ERAP2: variants seen among roughly 807,000 people sequenced by gnomAD.
The protein encoded by ERAP2 is endoplasmic reticulum aminopeptidase 2.
A neutral mutation model predicts 111.1 loss-of-function variants in ERAP2; 118 were observed. The ratio of observed to expected loss-of-function variants is 1.06; its 90% CI spans 0.92 to 1.24. The LOEUF (loss-of-function observed/expected upper bound fraction) is 1.24, where lower values mean the gene tolerates loss of function less well. Among genes scored for constraint, ERAP2 ranks in the 50% most tolerant of loss-of-function variants. ERAP2 has a pLI of 0.00. For missense variants in ERAP2, 1,131 were observed against 1,125.8 expected (o/e 1.00, Z -0.07); for synonymous variants, 410 against 401.2 (o/e 1.02, Z -0.26).
At position 96,913,364 on chromosome 5, in the gene ERAP2, T is replaced by C; in HGVS notation, c.2564T>C (p.Leu855Ser). The change falls in exon 17 of 19, where the codon TTG becomes TCG. Residue 855 changes from leucine to serine, a missense_variant. Around this residue, in one of 3 missense-constraint regions of ERAP2, gnomAD observed 279 missense variants for 250.9 expected, o/e 1.11. Coordinates refer to ENST00000437043, the MANE Select transcript of ERAP2 (RefSeq NM_022350.5). Reference protein sequence around the residue: ...MEGKVIKTQNLAALLHAIARR... With the variant: ...MEGKVIKTQNSAALLHAIARR... ...GGAAAGGTTATCAAGACACAGAACT[T>C]GGCAGCTCTCCTTCATGCGATTGCC... 6.2e-7 allele frequency: 1 copy of C among 1,614,056 alleles called. No individual in the cohort carries two copies. The highest frequency in any genetic ancestry group is 1.6e-4 in the Middle Eastern group (1 of 6,062).
intron 2 of ERAP2, 34 bp downstream of exon 2, chr5:96,880,294 G>T: frequency 2.6e-6 from 4 of 1,555,342 alleles, no homozygotes; most frequent in Non-Finnish European, 3.5e-6. Context: ...ACATTCTTTT[G>T]TGATAATTTC....
At chr5:96,895,122 G>T (rs1213057492) in intron 6 of ERAP2, 124 bp from the exon 7 acceptor site, 5 of 598,008 alleles carry the variant, frequency 8.4e-6, no homozygotes, top group Non-Finnish European at 1.5e-5. Context: ...GAGAGAAAAG[G>T]GTAGCAAAGA....
intron 7 of ERAP2, among the ~76,000 whole-genome samples, 199 bp downstream of exon 7, chr5:96,895,558 G>A (rs868747678): frequency 6.6e-6 from 1 of 152,116 alleles, no homozygotes; most frequent in African/African-American, 2.4e-5. Flanking sequence ...ACATAAATCT[G>A]TCACCCCAAA....
chr5:96,896,302 C>T, intron 7 of ERAP2, 71 bp from the exon 8 acceptor site: 1 of 1,237,764 alleles, frequency 8.1e-7, no homozygotes, highest in East Asian at 2.4e-5. Context: ...TCTTACTAAA[C>T]CTACTATGTT....
intron 12 of ERAP2, 53 bp downstream of exon 12, chr5:96,902,406 T>C: frequency 8.9e-7 from 1 of 1,118,674 alleles, no homozygotes; most frequent in Non-Finnish European, 1.4e-6. Context: ...TAAACATGTG[T>C]TGAGCTATTT....
chr5:96,886,078 A>G (rs1214304327), intron 3 of ERAP2, among the ~76,000 whole-genome samples: 1 of 152,262 alleles, frequency 6.6e-6, no homozygotes, highest in Admixed American at 6.5e-5. Flanking sequence ...GGTCACATCC[A>G]CATCTTGGTC....
At chr5:96,892,197 C>A in intron 5 of ERAP2, 102 bp from the exon 6 acceptor site, 1 of 1,222,528 alleles carries the variant, frequency 8.2e-7, no homozygotes, top group Non-Finnish European at 1.2e-6. Context: ...AAAAAGTCTG[C>A]TTAAATATGC....
chr5:96,886,487 A>C (rs1397486097), intron 3 of ERAP2, among the ~76,000 whole-genome samples, 168 bp from the exon 4 acceptor site: 2 of 152,162 alleles, frequency 1.3e-5, no homozygotes, highest in Non-Finnish European at 1.5e-5. Context: ...AAAGCAATGG[A>C]GGTAAGAGAG....
chr5:96,917,645 G>C lies in ERAP2; in HGVS notation c.*40G>C. 1 of 1,520,684 alleles carries C rather than the reference G, an allele frequency of 6.6e-7. No homozygotes were observed. 94.2% of individuals were successfully genotyped at this position (1,520,684 alleles called of 1,614,324 possible). Reference sequence around the variant, plus strand: ...AAGTAGGCTGGGCGCGGTGGCTCACGCCTGTAATCCCAGCACTTTGGGAGG... The same window carrying C: ...AAGTAGGCTGGGCGCGGTGGCTCACCCCTGTAATCCCAGCACTTTGGGAGG... On this transcript the variant is annotated 3_prime_UTR_variant, in exon 19 of 19. Transcript: ENST00000437043.
chr5:96,889,116 G>A (rs963034615), intron 4 of ERAP2, 69 bp from the exon 5 acceptor site: 50 of 1,584,594 alleles, frequency 3.2e-5, no homozygotes, highest in Non-Finnish European at 4.3e-5. Context: ...CTGTGTGAGA[G>A]GGTTATCAGG....
At chr5:96,895,971 G>A (rs1784825282) in intron 7 of ERAP2, among the ~76,000 whole-genome samples, 1 of 152,068 alleles carries the variant, frequency 6.6e-6, no homozygotes, top group African/African-American at 2.4e-5. Flanking sequence ...CTGAATTTGT[G>A]GCTTAATGCC....
At chr5:96,890,755 T>C (rs1442417400) in intron 5 of ERAP2, among the ~76,000 whole-genome samples, 1 of 152,218 alleles carries the variant, frequency 6.6e-6, no homozygotes, top group African/African-American at 2.4e-5. Context: ...ATTTCGATAG[T>C]TCCTGAGTCT....
chr5:96,880,278 T>C lies in ERAP2; in HGVS notation c.575+18T>C. ...GAAACAAGGTAAGAACTTGCTCAGG[T>C]AATTTACATTCTTTTGTGATAATTT... On this transcript the variant is annotated intron_variant, in intron 2 of 18. Transcript: ENST00000437043. 6.3e-7 allele frequency: 1 copy of C among 1,581,804 alleles called. No individual in the cohort carries two copies. The highest frequency in any genetic ancestry group is 1.8e-5 in the Admixed American group (1 of 55,136).
intron 4 of ERAP2, among the ~76,000 whole-genome samples, chr5:96,888,286 T>A (rs1287055854): frequency 6.6e-6 from 1 of 152,244 alleles, no homozygotes; most frequent in African/African-American, 2.4e-5. Context: ...TAGACATGGA[T>A]GTCTATGCAT....
At position 96,880,174 on chromosome 5, in the gene ERAP2, T is replaced by C. The variant is rs1004726355; in HGVS notation, c.489T>C (p.Tyr163=). 22 of 1,613,994 alleles carry C rather than the reference T, an allele frequency of 1.4e-5. No individual in the cohort carries two copies. Among genetic ancestry groups the C allele is most frequent in the Non-Finnish European group, 1.6e-5 (19 of 1,180,004 alleles). The part of the protein sequence containing the change: ...PEKLTPHLKY[Y]VAMDFQAKLG... The stretch of plus-strand genomic sequence containing the variant: ...AACTTACGCCTCACCTGAAATACTA[T>C]GTGGCTATGGACTTCCAAGCCAAGT... Residue 163 remains tyrosine, a synonymous_variant, in exon 2 of 19, where the codon TAT becomes TAC. Transcript: ENST00000437043.
chr5:96,899,991 GTTCA>G, intron 9 of ERAP2, 126 bp from the exon 10 acceptor site: 1 of 1,108,456 alleles, frequency 9.0e-7, no homozygotes, highest in South Asian at 1.6e-5. Flanking sequence ...CCATTTTTAT[GTTCA>G]TTATCATGTC....
chr5:96,917,466 A>C lies in ERAP2; in HGVS notation c.2744A>C (p.Lys915Thr), dbSNP rs1353087455. 1.2e-6 allele frequency: 2 copies of C among 1,610,028 alleles called. No individual in the cohort carries two copies. Residue 915 changes from lysine to threonine, a missense_variant, in exon 19 of 19, where the codon AAA becomes ACA. Physicochemically the swap from Lys to Thr is moderately conservative, Grantham distance 78. Around this residue, in one of 3 missense-constraint regions of ERAP2, gnomAD observed 279 missense variants for 250.9 expected, o/e 1.11. Coordinates refer to ENST00000437043, the MANE Select transcript of ERAP2 (RefSeq NM_022350.5). Reference sequence around the variant, plus strand: ...TTTTTCTTCAATATTTTACAGGTGAAACTATTTTTTGAATCTCTTGAGGCT... The same window carrying C: ...TTTTTCTTCAATATTTTACAGGTGACACTATTTTTTGAATCTCTTGAGGCT... ...FSSKDKLQEV[K>T]LFFESLEAQG...
chr5:96,906,201 TCCC>T (rs1786062754), intron 13 of ERAP2, among the ~76,000 whole-genome samples: 1 of 151,118 alleles, frequency 6.6e-6, no homozygotes, highest in Non-Finnish European at 1.5e-5. Context: ...TTTTTCTTCC[TCCC>T]CCTCCTCCTC....
In ERAP2 at chr5:96,879,833, C is replaced by A. The variant is rs780227787; in HGVS notation, c.148C>A (p.Pro50Thr). Residue 50 changes from proline (P) to threonine (T), a missense_variant, in exon 2 of 19, where the codon CCT (proline) becomes ACT (threonine). Physicochemically the swap from Pro to Thr is conservative, Grantham distance 38 (BLOSUM62 -1). Transcript: ENST00000437043. ...ATCTAGTTATCACTTCACTGAGGAT[C>A]CTGGGGCTTTCCCAGTAGCCACTAA... The part of the protein sequence containing the change: ...VPSSYHFTED[P>T]GAFPVATNGE... 4 of 1,614,106 alleles carry A rather than the reference C, an allele frequency of 2.5e-6. No individual in the cohort carries two copies. The Admixed American group carries it at 6.7e-5, about 27-fold the overall frequency.
Sources: allele counts gnomAD v4.1 joint callset (sites outside exome capture counted in the v4.1 genomes callset), GRCh38; gene constraint gnomAD v4.1.1; regional missense constraint gnomAD v4.1.1; transcripts MANE v1.5; gene names NCBI Gene and HGNC (gene_info 2026-07-23, HGNC 2026-07-21).